CTNND2: variants seen among roughly 807,000 people sequenced by gnomAD.
CTNND2 encodes the protein catenin delta-2.
CTNND2 carries 22 observed loss-of-function variants against 144.4 expected under a neutral mutation model. That is an observed-to-expected ratio of 0.15 (90% confidence interval 0.11 to 0.22). CTNND2 has a LOEUF of 0.22. Among genes scored for constraint, CTNND2 ranks in the 10% least tolerant of loss-of-function variants. The pLI is 1.00. For synonymous variants in CTNND2, 751 were observed against 695.6 expected (o/e 1.08, Z -1.25); for missense variants, 1,353 against 1,618.8 (o/e 0.84, Z 2.82).
chr5:11,836,312 T>A (rs1303030819), intron 1 of CTNND2, among the ~76,000 whole-genome samples: 1 of 152,170 alleles, frequency 6.6e-6, no homozygotes, highest in Non-Finnish European at 1.5e-5. Flanking sequence ...GAGAAAACTA[T>A]AGAAATGTGG....
At chr5:11,194,981 A>G (rs916223434) in intron 11 of CTNND2, among the ~76,000 whole-genome samples, 1 of 152,228 alleles carries the variant, frequency 6.6e-6, no homozygotes, top group African/African-American at 2.4e-5. Flanking sequence ...CATATGATAA[A>G]AAGGCAAAGG....
Position 11,871,871 on chromosome 5 carries a change from G to A in CTNND2, c.37+31946C>T, listed in dbSNP as rs375041377. On this transcript the variant is annotated intron_variant, in intron 1 of 21. Transcript: ENST00000304623. ...TGATTACATAGTTTTAGGGGGAGGC[G>A]TAAAGATGTAGGATATTTCCTACAG... Among the ~76,000 whole-genome samples, 23 of 152,218 alleles carry A rather than the reference G, an allele frequency of 1.5e-4. No individual in the cohort carries two copies. In the South Asian group the frequency reaches 4.1e-3, roughly 27 times the overall value.
In CTNND2 at chr5:11,623,800, GTGTGTATGTATATATATATATATATATA is replaced by G. The variant is rs1228532229; in HGVS notation, c.175-58772_175-58745del. Among the ~76,000 whole-genome samples the G allele has an allele frequency of 1.3e-3, 110 of 85,632 alleles. 3 individuals are homozygous for G. The highest frequency in any genetic ancestry group is 3.9e-3 in the African/African-American group (67 of 17,048). The allele number at this position is 85,632 out of a possible 152,430, so 56.2% of individuals were successfully genotyped here. On this transcript the variant is annotated intron_variant, in intron 2 of 21. Transcript: ENST00000304623. ...ACCTAACTATCGTAAATATATATAT[GTGTGTATGTATATATATATATATATATA>G]TATATATATATATATATATATATAT...
intron 1 of CTNND2, among the ~76,000 whole-genome samples, chr5:11,893,804 T>C (rs16901961): frequency 0.028 from 4,304 of 152,276 alleles, 206 homozygotes; most frequent in African/African-American, 0.098. Flanking sequence ...GGTGTCACTA[T>C]ACAATTTATC....
At chr5:11,171,919 C>T (rs746540814) in intron 11 of CTNND2, among the ~76,000 whole-genome samples, 9 of 151,986 alleles carry the variant, frequency 5.9e-5, no homozygotes, top group African/African-American at 2.2e-4. Context: ...AGACCGTGGG[C>T]CTAATTGTAG....
intron 16 of CTNND2, among the ~76,000 whole-genome samples, chr5:11,033,132 AGT>A (rs201510647): frequency 0.014 from 2,149 of 152,364 alleles, 19 homozygotes; most frequent in Non-Finnish European, 0.023. Flanking sequence ...AAATTAGAAA[AGT>A]CACACAGAAA....
At chr5:11,818,328 G>A (rs996215689) in intron 1 of CTNND2, among the ~76,000 whole-genome samples, 3 of 151,860 alleles carry the variant, frequency 2.0e-5, no homozygotes. Context: ...GCTCATGACT[G>A]GAGGATTTCC....
intron 13 of CTNND2, among the ~76,000 whole-genome samples, chr5:11,114,751 G>A (rs971428882): frequency 6.6e-6 from 1 of 152,142 alleles, no homozygotes; most frequent in Non-Finnish European, 1.5e-5. Context: ...AAGCTTGTAT[G>A]GAATCCACGC....
chr5:11,716,675 GTTTA>G (rs112407519), intron 2 of CTNND2, among the ~76,000 whole-genome samples: 5,102 of 151,194 alleles, frequency 0.034, 125 homozygotes, highest in African/African-American at 0.06. Flanking sequence ...TTACTTATTT[GTTTA>G]TTTATTTATT....
At chr5:11,629,622 C>T (rs1463196273) in intron 2 of CTNND2, among the ~76,000 whole-genome samples, 2 of 152,076 alleles carry the variant, frequency 1.3e-5, no homozygotes, top group Non-Finnish European at 2.9e-5. Flanking sequence ...TTTTATGTTT[C>T]ATTTGTAGGC....
intron 1 of CTNND2, among the ~76,000 whole-genome samples, chr5:11,852,856 A>T (rs1385429652): frequency 6.6e-6 from 1 of 152,218 alleles, no homozygotes; most frequent in African/African-American, 2.4e-5. Flanking sequence ...AACCAATTTG[A>T]TAATGGGTTT....
intron 9 of CTNND2, among the ~76,000 whole-genome samples, chr5:11,321,640 G>A (rs1752043850): frequency 6.6e-6 from 1 of 152,176 alleles, no homozygotes; most frequent in Admixed American, 6.5e-5. Context: ...AGCTGCAAGA[G>A]AAAGATGGGA....
In CTNND2 at chr5:11,312,898, T is replaced by C. The variant is rs1389265762; in HGVS notation, c.1628+33474A>G. Among the ~76,000 whole-genome samples the C allele has an allele frequency of 3.3e-5, 5 of 152,346 alleles. No individual in the cohort carries two copies. In the South Asian group the frequency reaches 6.2e-4, roughly 19 times the overall value. On this transcript the variant is annotated intron_variant, in intron 9 of 21. Transcript: ENST00000304623. Reference sequence around the variant, plus strand: ...CCCTTCCAGAATACTTTTATCTCCATTTCAAAACACCATTAAAATCAATTC... The same window carrying C: ...CCCTTCCAGAATACTTTTATCTCCACTTCAAAACACCATTAAAATCAATTC...
At chr5:11,743,528 G>C (rs1398711099) in intron 1 of CTNND2, among the ~76,000 whole-genome samples, 2 of 152,130 alleles carry the variant, frequency 1.3e-5, no homozygotes, top group African/African-American at 4.8e-5. Context: ...ATAGAATCTG[G>C]CAAAACATAT....
chr5:11,215,713 T>C (rs371215272), intron 10 of CTNND2, among the ~76,000 whole-genome samples: 30 of 152,210 alleles, frequency 2.0e-4, no homozygotes, highest in African/African-American at 7.0e-4. Flanking sequence ...TTATCATCCA[T>C]TGATTCATTT....
intron 9 of CTNND2, among the ~76,000 whole-genome samples, chr5:11,331,299 GCATTTTT>G (rs1753119680): frequency 6.6e-6 from 1 of 152,144 alleles, no homozygotes; most frequent in Admixed American, 6.5e-5. Context: ...TTCTGATTTA[GCATTTTT>G]GAGGTATGAG....
At chr5:11,149,300 A>G (rs959226782) in intron 12 of CTNND2, among the ~76,000 whole-genome samples, 1 of 152,158 alleles carries the variant, frequency 6.6e-6, no homozygotes, top group African/African-American at 2.4e-5. Flanking sequence ...TGTTTATATA[A>G]ATTAGTCCAC....
intron 19 of CTNND2, among the ~76,000 whole-genome samples, chr5:10,991,300 C>T (rs1458748780): frequency 2.0e-5 from 3 of 152,208 alleles, no homozygotes; most frequent in African/African-American, 4.8e-5. Flanking sequence ...CTGGGCAATG[C>T]TCTCTACCAG....
At chr5:11,369,043 T>C (rs1366676957) in intron 7 of CTNND2, among the ~76,000 whole-genome samples, 1 of 152,214 alleles carries the variant, frequency 6.6e-6, no homozygotes, top group Non-Finnish European at 1.5e-5. Context: ...ACTATCCAAA[T>C]TTCAAAAACA....
Sources: gnomAD v4.1 joint callset for allele counts (sites outside exome capture counted in the v4.1 genomes callset) on GRCh38, gnomAD v4.1.1 for gene constraint, MANE v1.5 for transcripts, NCBI Gene and HGNC (gene_info 2026-07-23, HGNC 2026-07-21) for gene names.